DST: variants seen among roughly 807,000 people sequenced by gnomAD.
The protein encoded by DST is dystonin.
Under a neutral mutation model 875.2 loss-of-function variants are expected in DST, and 253 were observed. The observed-to-expected ratio is 0.29, with a 90% CI of 0.26 to 0.32. The LOEUF is 0.32. Among genes scored for constraint, DST ranks in the 10% least tolerant of loss-of-function variants. DST has a pLI of 1.00. For synonymous variants in DST, 3,124 were observed against 3,197.1 expected, an observed-to-expected ratio of 0.98 and a Z score of 0.77; for missense variants, 8,287 against 9,111.6, an observed-to-expected ratio of 0.91 and a Z score of 3.68.
At chr6:56,544,582 A>C (rs548583728) in intron 61 of DST, among the ~76,000 whole-genome samples, 1 of 152,344 alleles carries the variant, frequency 6.6e-6, no homozygotes, top group South Asian at 2.1e-4. Flanking sequence ...TGTTGTAAAG[A>C]CATAGCCACC....
chr6:56,554,705 G>C (rs543081489), intron 60 of DST, among the ~76,000 whole-genome samples: 27 of 152,300 alleles, frequency 1.8e-4, no homozygotes, highest in South Asian at 4.1e-4. Flanking sequence ...GCTGTGATCA[G>C]TAAATCCAAT....
intron 92 of DST, 61 bp downstream of exon 92, chr6:56,476,088 G>T: frequency 7.2e-7 from 1 of 1,394,490 alleles, no homozygotes; most frequent in Non-Finnish European, 9.8e-7. Flanking sequence ...AAGTACAGCA[G>T]TGAAAGAAAG....
intron 10 of DST, among the ~76,000 whole-genome samples, chr6:56,654,473 A>G (rs1351134885): frequency 2.0e-5 from 3 of 152,092 alleles, no homozygotes; most frequent in Admixed American, 6.5e-5. Flanking sequence ...GTTTAAAAAT[A>G]TAGGGCAGAG....
chr6:56,843,168 A>G, intron 4 of DST: 1 of 1,545,194 alleles, frequency 6.5e-7, no homozygotes, highest in African/African-American at 1.4e-5. Flanking sequence ...CTAAGCGATG[A>G]CTGACAAATT....
At chr6:56,702,057 A>T (rs2099310679) in intron 7 of DST, 92 bp from the exon 8 acceptor site, 3 of 761,468 alleles carry the variant, frequency 3.9e-6, no homozygotes, top group Middle Eastern at 5.3e-4. Flanking sequence ...TTAATATATC[A>T]AAACAGTATT....
intron 31 of DST, among the ~76,000 whole-genome samples, chr6:56,629,757 A>C (rs2098762254): frequency 6.6e-6 from 1 of 152,192 alleles, no homozygotes; most frequent in Non-Finnish European, 1.5e-5. Context: ...GTCTGCTTTT[A>C]AGTGCCTACT....
intron 77 of DST, among the ~76,000 whole-genome samples, chr6:56,505,244 T>C (rs2096272787): frequency 6.6e-6 from 1 of 152,118 alleles, no homozygotes; most frequent in Non-Finnish European, 1.5e-5. Flanking sequence ...TACTAATACA[T>C]GATCAACAGG....
intron 3 of DST, among the ~76,000 whole-genome samples, chr6:56,870,381 C>T (rs1050491363): frequency 6.6e-6 from 1 of 150,806 alleles, no homozygotes; most frequent in Non-Finnish European, 1.5e-5. Flanking sequence ...CTTTGGGTTC[C>T]CTCCCATTTT....
intron 61 of DST, chr6:56,542,462 T>G (rs2097146018): frequency 7.6e-6 from 1 of 131,062 alleles, no homozygotes; most frequent in African/African-American, 3.1e-5. Flanking sequence ...AAAAGCCATT[T>G]CCAAAGATTC....
chr6:56,752,319 T>C (rs1206410439), intron 4 of DST, among the ~76,000 whole-genome samples: 2 of 152,092 alleles, frequency 1.3e-5, no homozygotes, highest in Non-Finnish European at 2.9e-5. Context: ...CTTGATTTTA[T>C]GCTTTTTTTT....
chr6:56,827,612 CG>C (rs1350160053), intron 4 of DST, among the ~76,000 whole-genome samples: 2 of 149,344 alleles, frequency 1.3e-5, no homozygotes, highest in African/African-American at 2.5e-5. Context: ...GAATATAGAA[CG>C]GTGGAGCTAT....
chr6:56,696,618 A>C (rs1447833309), intron 9 of DST, among the ~76,000 whole-genome samples: 1 of 151,998 alleles, frequency 6.6e-6, no homozygotes, highest in Non-Finnish European at 1.5e-5. Context: ...TCTACCTCCC[A>C]ACCCTTTTGG....
At position 56,954,802 on chromosome 6, in the gene DST, C is replaced by A. The variant is rs1249226692; in HGVS notation, c.-215G>T. ...GGGCTGCGGGGAGCGCTTGCCATGA[C>A]TCAGCAGACAGCGACGAGGCTGCGA... On this transcript the variant is annotated 5_prime_UTR_variant, in exon 1 of 104. Coordinates refer to ENST00000680361, the MANE Select transcript of DST (RefSeq NM_001374736.1). 6.7e-6 allele frequency among the ~76,000 whole-genome samples: 1 copy of A among 149,864 alleles called. No individual in the cohort carries two copies. The highest frequency in any genetic ancestry group is 1.5e-5 in the Non-Finnish European group (1 of 67,074).
At chr6:56,699,550 A>T in intron 9 of DST, 103 bp downstream of exon 9, 1 of 598,618 alleles carries the variant, frequency 1.7e-6, no homozygotes, top group African/African-American at 2.0e-5. Context: ...AGAAGCTTGA[A>T]ATTTATTTTT....
chr6:56,665,115 T>C (rs1236137464), intron 10 of DST, among the ~76,000 whole-genome samples: 1 of 152,190 alleles, frequency 6.6e-6, no homozygotes. Flanking sequence ...TTCGCTGTGA[T>C]TTTGCTCTTA....
rs1443790107 is a variant in DST at position 56,506,691 on chromosome 6, G to A, written c.19338C>T (p.Pro6446=). 2 of 1,613,544 alleles carry A rather than the reference G, an allele frequency of 1.2e-6. No individual in the cohort carries two copies. Among genetic ancestry groups the A allele is most frequent in the Non-Finnish European group, 1.7e-6 (2 of 1,179,662 alleles). The stretch of plus-strand genomic sequence containing the variant: ...CCTCATCTATACTCTTCTTGACAAT[G>A]GGTTTATCAGGCTCCCCACATGCCG... ...LIAACGEPDK[P]IVKKSIDELN... The change falls in exon 76 of 104, where the codon CCC becomes CCT. Residue 6446 remains proline, a synonymous_variant. Coordinates refer to ENST00000680361, the MANE Select transcript of DST (RefSeq NM_001374736.1).
chr6:56,674,432 G>T (rs1261307689), intron 9 of DST, among the ~76,000 whole-genome samples: 1 of 152,008 alleles, frequency 6.6e-6, no homozygotes, highest in Non-Finnish European at 1.5e-5. Flanking sequence ...CAAGTAGCTG[G>T]GACTACAGGC....
intron 3 of DST, among the ~76,000 whole-genome samples, chr6:56,890,111 A>T (rs1376127220): frequency 6.6e-6 from 1 of 152,174 alleles, no homozygotes; most frequent in Non-Finnish European, 1.5e-5. Context: ...CCTTACTCAA[A>T]AACGGCTCAA....
At chr6:56,811,454 C>T (rs1364406486) in intron 4 of DST, among the ~76,000 whole-genome samples, 1 of 152,124 alleles carries the variant, frequency 6.6e-6, no homozygotes, top group African/African-American at 2.4e-5. Context: ...CAATATTATG[C>T]CTTGGTTTCC....
Sources: allele counts gnomAD v4.1 joint callset (sites outside exome capture counted in the v4.1 genomes callset), GRCh38; gene constraint gnomAD v4.1.1; transcripts MANE v1.5; gene names NCBI Gene and HGNC (gene_info 2026-07-23, HGNC 2026-07-21).